The following CFAP299 variants were observed in gnomAD, a reference collection of about 807,000 sequenced individuals.
The protein encoded by CFAP299 is cilia and flagella associated protein 299, also known as cilia- and flagella-associated protein 299.
CFAP299 carries 21 observed loss-of-function variants against 27.0 expected under a neutral mutation model. That is an observed-to-expected ratio of 0.78 (90% CI 0.55 to 1.12). The LOEUF (loss-of-function observed/expected upper bound fraction) is 1.12. CFAP299 is among the 50% of genes most tolerant of loss of function. The probability of loss-of-function intolerance (pLI) is 0.00; values close to 1 mark genes in which losing one functional copy is unlikely to be tolerated. For synonymous variants in CFAP299, 104 were observed against 98.1 expected (o/e 1.06, Z -0.36); for missense variants, 310 against 276.6 (o/e 1.12, Z -0.86).
At chr4:80,800,037 A>G (rs1399035593) in intron 3 of CFAP299, among the ~76,000 whole-genome samples, 2 of 55,120 alleles carry the variant, frequency 3.6e-5, no homozygotes, top group Non-Finnish European at 6.1e-5. Flanking sequence ...TATAATATAT[A>G]ATAATATATA....
intron 3 of CFAP299, among the ~76,000 whole-genome samples, chr4:80,674,850 C>T (rs1407336230): frequency 6.6e-6 from 1 of 152,180 alleles, no homozygotes; most frequent in Non-Finnish European, 1.5e-5. Flanking sequence ...ACGTAGTTCT[C>T]TTGCCATGTT....
chr4:80,682,785 A>C (rs1023994511), intron 3 of CFAP299, among the ~76,000 whole-genome samples: 4 of 152,036 alleles, frequency 2.6e-5, no homozygotes, highest in Admixed American at 1.3e-4. Flanking sequence ...ATTCTCACCC[A>C]TTAGGCCTCC....
At chr4:80,641,133 T>C (rs1739702347) in intron 3 of CFAP299, among the ~76,000 whole-genome samples, 1 of 152,210 alleles carries the variant, frequency 6.6e-6, no homozygotes, top group Admixed American at 6.5e-5. Flanking sequence ...TACAACATTA[T>C]ATATCTATAT....
At chr4:80,720,916 G>T (rs1160580969) in intron 3 of CFAP299, among the ~76,000 whole-genome samples, 2 of 152,036 alleles carry the variant, frequency 1.3e-5, no homozygotes, top group East Asian at 3.9e-4. Flanking sequence ...AGAATTGGAA[G>T]ATATTTTTTA....
chr4:80,431,487 G>T (rs9685728), intron 2 of CFAP299, among the ~76,000 whole-genome samples: 3 of 138,404 alleles, frequency 2.2e-5, no homozygotes, highest in African/African-American at 2.7e-5. Context: ...CCTTCTTTCC[G>T]TTTCCTCCTC....
At chr4:80,534,257 G>A (rs1345837919) in intron 2 of CFAP299, among the ~76,000 whole-genome samples, 2 of 143,114 alleles carry the variant, frequency 1.4e-5, no homozygotes, top group African/African-American at 5.1e-5. Context: ...TATTTTTAAA[G>A]AATCTTTCCT....
chr4:80,619,475 C>G (rs1181633356), intron 3 of CFAP299, among the ~76,000 whole-genome samples: 1 of 152,030 alleles, frequency 6.6e-6, no homozygotes, highest in Non-Finnish European at 1.5e-5. Context: ...ATTCTCTTCA[C>G]TACTGAAAGA....
chr4:80,423,237 T>C (rs1181004007), intron 2 of CFAP299, among the ~76,000 whole-genome samples: 1 of 152,196 alleles, frequency 6.6e-6, no homozygotes, highest in African/African-American at 2.4e-5. Context: ...GCCATCTATA[T>C]GTAAATAACA....
At chr4:80,768,734 A>C (rs1726040011) in intron 3 of CFAP299, among the ~76,000 whole-genome samples, 1 of 152,154 alleles carries the variant, frequency 6.6e-6, no homozygotes, top group African/African-American at 2.4e-5. Context: ...TTCAATATAT[A>C]TTGTTTAAGT....
chr4:80,949,911 T>C (rs1737682483), intron 5 of CFAP299, among the ~76,000 whole-genome samples: 1 of 151,824 alleles, frequency 6.6e-6, no homozygotes. Flanking sequence ...TGTAGAGCAG[T>C]ACAGACGAGG....
intron 3 of CFAP299, among the ~76,000 whole-genome samples, chr4:80,593,208 G>A (rs1736874700): frequency 6.6e-6 from 1 of 152,070 alleles, no homozygotes; most frequent in South Asian, 2.1e-4. Context: ...TTAGCAGAGG[G>A]GAAGATCTAA....
At chr4:80,912,126 C>A (rs1735501644) in intron 4 of CFAP299, among the ~76,000 whole-genome samples, 1 of 152,044 alleles carries the variant, frequency 6.6e-6, no homozygotes, top group Non-Finnish European at 1.5e-5. Flanking sequence ...GTCTTTCAAG[C>A]AACCTATCAG....
chr4:80,844,814 C>G (rs1347758069), intron 3 of CFAP299, among the ~76,000 whole-genome samples: 3 of 152,196 alleles, frequency 2.0e-5, no homozygotes, highest in South Asian at 2.1e-4. Context: ...GTGTTTTAGA[C>G]ATGAAGTCCT....
At chr4:80,781,922 T>C (rs1000441385) in intron 3 of CFAP299, among the ~76,000 whole-genome samples, 21 of 152,130 alleles carry the variant, frequency 1.4e-4, no homozygotes, top group African/African-American at 5.1e-4. Context: ...TACTTACAGC[T>C]GTGCAATTCC....
chr4:80,616,662 T>C (rs1738303187), intron 3 of CFAP299, among the ~76,000 whole-genome samples: 1 of 152,026 alleles, frequency 6.6e-6, no homozygotes, highest in Admixed American at 6.6e-5. Context: ...AGCATGTATA[T>C]TTAGATTAAC....
intron 2 of CFAP299, among the ~76,000 whole-genome samples, chr4:80,514,762 C>A (rs992450905): frequency 3.3e-5 from 5 of 151,950 alleles, no homozygotes; most frequent in African/African-American, 1.2e-4. Context: ...AATTTAATGT[C>A]TTTTTTATAA....
intron 3 of CFAP299, among the ~76,000 whole-genome samples, chr4:80,859,098 A>G (rs373324103): frequency 2.0e-5 from 3 of 152,114 alleles, no homozygotes; most frequent in Non-Finnish European, 4.4e-5. Flanking sequence ...GTGCTCCTGT[A>G]TTGGGTGCAT....
intron 2 of CFAP299, among the ~76,000 whole-genome samples, chr4:80,505,500 G>C (rs1352326297): frequency 1.3e-5 from 1 of 78,672 alleles, no homozygotes; most frequent in African/African-American, 9.4e-5. Flanking sequence ...GACTATTGTA[G>C]AAAATTATAG....
intron 3 of CFAP299, among the ~76,000 whole-genome samples, chr4:80,787,906 C>T (rs2110096418): frequency 6.6e-6 from 1 of 151,918 alleles, no homozygotes; most frequent in East Asian, 1.9e-4. Context: ...CTCCAGAAAT[C>T]CCTCTTTCAT....
Sources: gnomAD v4.1 joint callset for allele counts (sites outside exome capture counted in the v4.1 genomes callset) on GRCh38, gnomAD v4.1.1 for gene constraint, MANE v1.5 for transcripts, NCBI Gene and HGNC (gene_info 2026-07-23, HGNC 2026-07-21) for gene names.